Variants in GPR158 observed in about 807,000 individuals in gnomAD.
GPR158 encodes the protein metabotropic glycine receptor.
GPR158 carries 30 observed loss-of-function variants against 78.2 expected under a neutral mutation model. The ratio of observed to expected loss-of-function variants is 0.38; its 90% CI spans 0.29 to 0.52. GPR158 has a LOEUF of 0.52. Ranked by LOEUF, GPR158 falls within the 20% of genes least tolerant of loss-of-function variation. GPR158 has a pLI of 0.83. For synonymous variants in GPR158, 581 were observed against 591.1 expected (o/e 0.98, Z 0.25); for missense variants, 1,463 against 1,523.5 (o/e 0.96, Z 0.66).
intron 4 of GPR158, among the ~76,000 whole-genome samples, chr10:25,433,001 C>T (rs934470379): frequency 2.6e-5 from 4 of 152,154 alleles, no homozygotes; most frequent in East Asian, 1.9e-4. Context: ...AACAGTATCA[C>T]GTATAGTGAA....
intron 8 of GPR158, among the ~76,000 whole-genome samples, chr10:25,591,637 T>C (rs1170605434): frequency 6.6e-6 from 1 of 152,178 alleles, no homozygotes; most frequent in Non-Finnish European, 1.5e-5. Flanking sequence ...CTTCCATTGG[T>C]AGCAAGTGTG....
chr10:25,216,532 A>G (rs142737760), intron 1 of GPR158, among the ~76,000 whole-genome samples: 88 of 152,192 alleles, frequency 5.8e-4, no homozygotes, highest in African/African-American at 2.0e-3. Flanking sequence ...AGTTCCTCCA[A>G]AGTTAATTTT....
chr10:25,341,036 G>A (rs916821448), intron 2 of GPR158, among the ~76,000 whole-genome samples: 2 of 151,930 alleles, frequency 1.3e-5, no homozygotes, highest in Non-Finnish European at 2.9e-5. Flanking sequence ...TAGGATGGAA[G>A]GCAGAAGTCA....
At chr10:25,477,159 G>GGT (rs1267210517) in intron 5 of GPR158, among the ~76,000 whole-genome samples, 1 of 151,860 alleles carries the variant, frequency 6.6e-6, no homozygotes, top group Non-Finnish European at 1.5e-5. Flanking sequence ...CCAGAGCATA[G>GGT]GTATTGCCCT....
At chr10:25,200,879 T>TTG (rs1554783213) in intron 1 of GPR158, among the ~76,000 whole-genome samples, 9 of 150,478 alleles carry the variant, frequency 6.0e-5, no homozygotes, top group African/African-American at 1.7e-4. Flanking sequence ...TTTTTTTTTT[T>TTG]TTTTTTTTCA....
At chr10:25,492,619 G>C (rs989088824) in intron 5 of GPR158, among the ~76,000 whole-genome samples, 1 of 151,902 alleles carries the variant, frequency 6.6e-6, no homozygotes, top group African/African-American at 2.4e-5. Flanking sequence ...CAGAATTTTT[G>C]ACTGTTATAT....
At chr10:25,508,572 G>A (rs1404350581) in intron 5 of GPR158, among the ~76,000 whole-genome samples, 4 of 152,112 alleles carry the variant, frequency 2.6e-5, no homozygotes, top group Non-Finnish European at 4.4e-5. Context: ...CTAGCTTGAG[G>A]CCTGTAGCTG....
Position 25,551,125 on chromosome 10 carries a change from C to G in GPR158, c.1514+40C>G, listed in dbSNP as rs145501668. ...TTCATCGTCATTCTCATGGAAAGAT[C>G]AAACTAATCAGCTTGGCACATAATT... On this transcript the variant is annotated intron_variant, in intron 6 of 10. Coordinates refer to ENST00000376351, the MANE Select transcript of GPR158 (RefSeq NM_020752.3). 3.3e-4 allele frequency: 365 copies of G among 1,113,772 alleles called. 2 individuals carry two copies. The East Asian group carries it at 8.5e-3, about 26-fold the overall frequency. 69.0% of individuals were successfully genotyped at this position (1,113,772 alleles called of 1,614,324 possible).
chr10:25,192,233 C>T (rs1341378985), intron 1 of GPR158, among the ~76,000 whole-genome samples: 2 of 152,180 alleles, frequency 1.3e-5, no homozygotes, highest in Non-Finnish European at 2.9e-5. Context: ...ATTTTCCCCA[C>T]TGCCACCTTA....
At chr10:25,254,053 C>T (rs530707243) in intron 2 of GPR158, among the ~76,000 whole-genome samples, 1 of 152,284 alleles carries the variant, frequency 6.6e-6, no homozygotes, top group South Asian at 2.1e-4. Flanking sequence ...CTATTGTATA[C>T]AATTCCCTTA....
chr10:25,305,247 TC>T (rs1156654685), intron 2 of GPR158, among the ~76,000 whole-genome samples: 1 of 152,198 alleles, frequency 6.6e-6, no homozygotes, highest in Non-Finnish European at 1.5e-5. Flanking sequence ...TGTGCTCTTT[TC>T]CCAAAGGATT....
chr10:25,570,822 C>G (rs1456989414), intron 6 of GPR158, among the ~76,000 whole-genome samples: 1 of 152,094 alleles, frequency 6.6e-6, no homozygotes, highest in African/African-American at 2.4e-5. Context: ...GAGGCTGAGG[C>G]AGGAGAATAA....
intron 2 of GPR158, among the ~76,000 whole-genome samples, chr10:25,226,092 CTCT>C (rs1364628096): frequency 4.7e-5 from 7 of 147,996 alleles, no homozygotes; most frequent in African/African-American, 1.8e-4. Context: ...CTCACCATTG[CTCT>C]TCTTTTCTCC....
chr10:25,544,862 C>G (rs973940924), intron 5 of GPR158, among the ~76,000 whole-genome samples: 2 of 152,108 alleles, frequency 1.3e-5, no homozygotes, highest in Admixed American at 1.3e-4. Context: ...TCTGCTACCC[C>G]CCAACCCCTG....
intron 2 of GPR158, among the ~76,000 whole-genome samples, chr10:25,235,460 A>G (rs1442416140): frequency 1.3e-5 from 2 of 149,946 alleles, no homozygotes; most frequent in Non-Finnish European, 3.0e-5. Context: ...AGCACCTGAA[A>G]TCTATCTGCT....
chr10:25,467,478 G>T (rs951706885), intron 5 of GPR158, among the ~76,000 whole-genome samples: 1 of 152,146 alleles, frequency 6.6e-6, no homozygotes, highest in Non-Finnish European at 1.5e-5. Flanking sequence ...TCAAAATATG[G>T]CACAGAAACA....
In GPR158 at chr10:25,405,498, C is replaced by CTTT. The variant is rs59695469; in HGVS notation, c.1112-6724_1112-6722dup. The stretch of plus-strand genomic sequence containing the variant: ...AAAATCTGACAAGAGAAACAATTTC[C>CTTT]TTTTTTTTTTTTTTTTTTTTTTTTT... On this transcript the variant is annotated intron_variant, in intron 3 of 10. Coordinates refer to ENST00000376351, the MANE Select transcript of GPR158 (RefSeq NM_020752.3). Among the ~76,000 whole-genome samples, 287 of 45,548 alleles carry CTTT rather than the reference C, an allele frequency of 6.3e-3. 32 individuals carry two copies. Among genetic ancestry groups the CTTT allele is most frequent in the African/African-American group, 0.013 (173 of 13,524 alleles). The allele number at this position is 45,548 out of a possible 152,430, so 29.9% of individuals were successfully genotyped here. A position where few individuals can be genotyped will look rare whatever the true frequency, so the allele number is the denominator to read the frequency against.
chr10:25,347,489 G>A (rs1346204335), intron 2 of GPR158, among the ~76,000 whole-genome samples: 1 of 151,850 alleles, frequency 6.6e-6, no homozygotes, highest in Non-Finnish European at 1.5e-5. Context: ...CATCTTTGGG[G>A]GCCTACTACC....
chr10:25,510,871 A>G lies in GPR158; in HGVS notation c.1405-40105A>G, dbSNP rs113769023. Among the ~76,000 whole-genome samples, 620 of 152,198 alleles carry G rather than the reference A, an allele frequency of 4.1e-3. 4 individuals carry two copies. Among genetic ancestry groups the G allele is most frequent in the African/African-American group, 0.014 (571 of 41,530 alleles). ...TTCCATCCGGGTTGCTGTGAATGCT[A>G]TTATTTTGTTCCTTGTTATGGCTCA... On this transcript the variant is annotated intron_variant, in intron 5 of 10. Coordinates refer to ENST00000376351, the MANE Select transcript of GPR158 (RefSeq NM_020752.3).
Sources: allele counts gnomAD v4.1 joint callset (sites outside exome capture counted in the v4.1 genomes callset), GRCh38; gene constraint gnomAD v4.1.1; transcripts MANE v1.5; gene names NCBI Gene and HGNC (gene_info 2026-07-23, HGNC 2026-07-21).